The following MRTFB variants were observed in gnomAD, a reference collection of about 807,000 sequenced individuals.
MRTFB encodes the protein myocardin-related transcription factor B.
Under a neutral mutation model 104.2 loss-of-function variants are expected in MRTFB, and 29 were observed. That is an observed-to-expected ratio of 0.28 (90% CI 0.21 to 0.38). The LOEUF (loss-of-function observed/expected upper bound fraction) is 0.38. Among genes scored for constraint, MRTFB ranks in the 10% least tolerant of loss-of-function variants. The probability of loss-of-function intolerance (pLI) is 1.00; values close to 1 mark genes in which losing one functional copy is unlikely to be tolerated. For synonymous variants in MRTFB, 535 were observed against 519.5 expected (o/e 1.03, Z -0.41); for missense variants, 1,270 against 1,341.6 (o/e 0.95, Z 0.83).
At chr16:14,227,510 T>A (rs115777939) in intron 8 of MRTFB, among the ~76,000 whole-genome samples, 50 of 152,260 alleles carry the variant, frequency 3.3e-4, no homozygotes, top group African/African-American at 1.1e-3. Context: ...AGCCTCAATT[T>A]TTTTTTGTTT....
At chr16:14,106,970 C>T (rs1032371196) in intron 2 of MRTFB, among the ~76,000 whole-genome samples, 1 of 152,152 alleles carries the variant, frequency 6.6e-6, no homozygotes, top group Non-Finnish European at 1.5e-5. Flanking sequence ...TTGTGTGGCC[C>T]ATTTACTGTT....
chr16:14,045,373 C>T, the MRTFB span, among the ~76,000 whole-genome samples: 1 of 152,304 alleles, frequency 6.6e-6, no homozygotes, highest in South Asian at 2.1e-4. Context: ...CGCTTCTTGC[C>T]TTTCTCTGTC....
At chr16:14,038,971 G>A in the MRTFB span, among the ~76,000 whole-genome samples, 1 of 152,188 alleles carries the variant, frequency 6.6e-6, no homozygotes. Flanking sequence ...ATCAGATCTC[G>A]TGAGACTTAT....
intron 6 of MRTFB, among the ~76,000 whole-genome samples, chr16:14,215,666 A>G (rs1265972040): frequency 1.3e-5 from 2 of 152,222 alleles, no homozygotes; most frequent in South Asian, 2.1e-4. Flanking sequence ...ATTCTCCCCA[A>G]GTATCATCTT....
At chr16:14,171,388 G>A (rs372874797) in intron 3 of MRTFB, among the ~76,000 whole-genome samples, 3 of 152,178 alleles carry the variant, frequency 2.0e-5, no homozygotes, top group East Asian at 1.9e-4. Flanking sequence ...CCAGCTACTC[G>A]GGATGCTGAG....
chr16:14,265,482 C>G lies in MRTFB; in HGVS notation c.*4038C>G, dbSNP rs907468657. The G allele has an allele frequency of 1.3e-5, 2 of 152,156 alleles. No homozygotes were observed. Among genetic ancestry groups the G allele is most frequent in the Non-Finnish European group, 2.9e-5 (2 of 68,028 alleles). 9.4% of individuals were successfully genotyped at this position (152,156 alleles called of 1,614,324 possible). A position where few individuals can be genotyped will look rare whatever the true frequency, so the allele number is the denominator to read the frequency against. On this transcript the variant is annotated 3_prime_UTR_variant, in exon 17 of 17. Coordinates refer to ENST00000571589, the MANE Select transcript of MRTFB (RefSeq NM_001308142.2). The stretch of plus-strand genomic sequence containing the variant: ...AACTCATCTTTTAAGTGATTTCAGT[C>G]AAAACTGGAAAACAACTAAGATGTA...
At chr16:14,205,436 G>A (rs1265503040) in intron 3 of MRTFB, among the ~76,000 whole-genome samples, 1 of 152,024 alleles carries the variant, frequency 6.6e-6, no homozygotes, top group Non-Finnish European at 1.5e-5. Flanking sequence ...GTCAACTTGG[G>A]GTAAATGTTT....
intron 16 of MRTFB, 80 bp downstream of exon 16, chr16:14,258,241 T>C (rs1211721351): frequency 9.3e-7 from 1 of 1,071,128 alleles, no homozygotes; most frequent in Non-Finnish European, 1.4e-6. Context: ...TAAGCACTCA[T>C]AGCTTATCTT....
chr16:14,007,176 A>G, the MRTFB span, among the ~76,000 whole-genome samples: 2 of 152,206 alleles, frequency 1.3e-5, no homozygotes, highest in Non-Finnish European at 2.9e-5. Context: ...TCGTTACCCC[A>G]AAAAGAAACA....
chr16:14,207,907 A>G lies in MRTFB; in HGVS notation c.155-2336A>G, dbSNP rs1188883258. ...TGAGTGGCTTGGCCTAACAATTGGCATCTGAAGTGAGGGCAGTCTCTTGGG... is the reference window on the plus strand; with the variant it reads ...TGAGTGGCTTGGCCTAACAATTGGCGTCTGAAGTGAGGGCAGTCTCTTGGG... On this transcript the variant is annotated intron_variant, in intron 3 of 16. Coordinates refer to ENST00000571589, the MANE Select transcript of MRTFB (RefSeq NM_001308142.2). 3.3e-5 allele frequency among the ~76,000 whole-genome samples: 5 copies of G among 152,314 alleles called. No homozygotes were observed. The East Asian group carries it at 9.6e-4, about 29-fold the overall frequency.
At chr16:14,066,178 C>G in the MRTFB span, among the ~76,000 whole-genome samples, 3 of 152,160 alleles carry the variant, frequency 2.0e-5, no homozygotes, top group African/African-American at 7.2e-5. Context: ...TAAAATTCTT[C>G]TTGGATCAAA....
chr16:14,157,969 C>T (rs1054479110), intron 3 of MRTFB, among the ~76,000 whole-genome samples: 1 of 152,094 alleles, frequency 6.6e-6, no homozygotes, highest in Admixed American at 6.5e-5. Flanking sequence ...TGAATTAATG[C>T]ATTAATTGGT....
chr16:14,212,403 A>G lies in MRTFB; in HGVS notation c.270A>G (p.Arg90=), dbSNP rs2041231654. 8 of 1,613,864 alleles carry G rather than the reference A, an allele frequency of 5.0e-6. No individual in the cohort carries two copies. Among genetic ancestry groups the G allele is most frequent in the Non-Finnish European group, 5.9e-6 (7 of 1,179,786 alleles). ...AFHEQIKSLE[R]ARTENFLKHK... is the part of the protein sequence containing the mutation. ...ATGAACAGATAAAAAGCTTGGAACGAGCCAGAGTAAGACATTTCACTTTAA... is the reference window on the plus strand; with the variant it reads ...ATGAACAGATAAAAAGCTTGGAACGGGCCAGAGTAAGACATTTCACTTTAA... The change falls in exon 5 of 17, where the codon CGA becomes CGG. Residue 90 remains arginine, a synonymous_variant. Transcript: ENST00000571589.
At chr16:14,216,206 T>G (rs966995744) in intron 6 of MRTFB, among the ~76,000 whole-genome samples, 11 of 152,206 alleles carry the variant, frequency 7.2e-5, no homozygotes, top group African/African-American at 2.7e-4. Flanking sequence ...AGCCTTGGGC[T>G]TCACAAGAAT....
intron 3 of MRTFB, among the ~76,000 whole-genome samples, chr16:14,173,757 G>T (rs746715015): frequency 1.3e-5 from 2 of 151,884 alleles, no homozygotes; most frequent in Non-Finnish European, 2.9e-5. Flanking sequence ...TCTGTTCTTT[G>T]TTTTTTAATC....
At chr16:13,999,316 C>G in the MRTFB span, among the ~76,000 whole-genome samples, 1 of 151,792 alleles carries the variant, frequency 6.6e-6, no homozygotes, top group African/African-American at 2.4e-5. Flanking sequence ...TATTTCTTTC[C>G]TTTTGGGGAC....
At chr16:14,017,597 A>G in the MRTFB span, among the ~76,000 whole-genome samples, 3 of 616 alleles carry the variant, frequency 4.9e-3, no homozygotes, top group Non-Finnish European at 0.023. Context: ...ACTACAGTAT[A>G]TATATATATA....
At chr16:13,995,547 G>T in the MRTFB span, among the ~76,000 whole-genome samples, 1 of 152,122 alleles carries the variant, frequency 6.6e-6, no homozygotes, top group Admixed American at 6.5e-5. Context: ...CAGTATATTC[G>T]TATATTGAAG....
the MRTFB span, among the ~76,000 whole-genome samples, chr16:14,049,245 G>A: frequency 2.0e-5 from 3 of 152,144 alleles, no homozygotes; most frequent in Middle Eastern, 3.2e-3. Context: ...GTTCTATGAC[G>A]TCCTTAATAT....
Sources: gnomAD v4.1 joint callset for allele counts (sites outside exome capture counted in the v4.1 genomes callset) on GRCh38, gnomAD v4.1.1 for gene constraint, MANE v1.5 for transcripts, NCBI Gene and HGNC (gene_info 2026-07-23, HGNC 2026-07-21) for gene names.